RGS22: variants seen among roughly 807,000 people sequenced by gnomAD.
The protein encoded by RGS22 is regulator of G protein signaling 22.
In RGS22, 148 loss-of-function variants were observed where a neutral mutation model predicts 172.9. The ratio of observed to expected loss-of-function variants is 0.86; its 90% confidence interval spans 0.75 to 0.98. The LOEUF (loss-of-function observed/expected upper bound fraction) is 0.98, where lower values mean the gene tolerates loss of function less well. RGS22 is among the 50% of genes least tolerant of loss of function. The probability of loss-of-function intolerance (pLI) is 0.00; values close to 1 mark genes in which losing one functional copy is unlikely to be tolerated. For missense variants in RGS22, 1,347 were observed against 1,440.8 expected (o/e 0.93, Z 1.05); for synonymous variants, 458 against 480.2 (o/e 0.95, Z 0.60).
intron 13 of RGS22, among the ~76,000 whole-genome samples, chr8:100,039,530 C>T (rs1819882131): frequency 6.6e-6 from 1 of 151,984 alleles, no homozygotes; most frequent in Non-Finnish European, 1.5e-5. Flanking sequence ...GCATGCACCA[C>T]CACGCCCAGC....
At chr8:99,976,392 T>C (rs902020168) in intron 23 of RGS22, among the ~76,000 whole-genome samples, 23 of 152,150 alleles carry the variant, frequency 1.5e-4, no homozygotes, top group Middle Eastern at 3.4e-3. Context: ...GACGGAGTCT[T>C]GCTCTGTTGC....
chr8:100,106,028 C>A lies in RGS22; in HGVS notation c.-107G>T. 8 of 1,189,198 alleles carry A rather than the reference C, an allele frequency of 6.7e-6. No homozygotes were observed. Among genetic ancestry groups the A allele is most frequent in the Non-Finnish European group, 8.3e-6 (8 of 961,490 alleles). The allele number at this position is 1,189,198 out of a possible 1,614,324, so 73.7% of individuals were successfully genotyped here. ...GCGACGCGGCGACGGCGCGCGGGCT[C>A]CGGAGCTACGCTGGCTAGCGTGGCC... On this transcript the variant is annotated 5_prime_UTR_variant, in exon 1 of 28. Coordinates refer to ENST00000360863, the MANE Select transcript of RGS22 (RefSeq NM_015668.5).
At chr8:100,096,340 C>A (rs1391439645) in intron 2 of RGS22, among the ~76,000 whole-genome samples, 1 of 152,200 alleles carries the variant, frequency 6.6e-6, no homozygotes, top group African/African-American at 2.4e-5. Context: ...ATAAGCCTGA[C>A]TGCAAAATTT....
chr8:100,036,082 T>C (rs1819431322), intron 14 of RGS22, among the ~76,000 whole-genome samples: 1 of 151,654 alleles, frequency 6.6e-6, no homozygotes, highest in Admixed American at 6.6e-5. Context: ...GTTGTGCACA[T>C]GTACCCTAGA....
chr8:100,005,498 A>G (rs1445546394), intron 16 of RGS22, among the ~76,000 whole-genome samples: 1 of 152,182 alleles, frequency 6.6e-6, no homozygotes, highest in Non-Finnish European at 1.5e-5. Context: ...TTACTTAGCC[A>G]ATCCAAAAGA....
intron 22 of RGS22, among the ~76,000 whole-genome samples, chr8:99,979,261 CTGAG>C (rs1368307299): frequency 2.0e-5 from 3 of 152,208 alleles, no homozygotes; most frequent in Admixed American, 6.5e-5. Context: ...TTTCTAAAAC[CTGAG>C]TCAGTCCCAG....
At position 100,071,453 on chromosome 8, in the gene RGS22, C is replaced by T. The variant is rs753338167; in HGVS notation, c.510G>A (p.Val170=). The change falls in exon 6 of 28, where the codon GTG becomes GTA. Residue 170 remains valine (V), a synonymous_variant. Transcript: ENST00000360863. ...GAGGTGGTAGACTGGGTGGTTTTTT[C>T]ACGATCCAGGGAGAAAAATTTGATC... is the stretch of plus-strand genomic sequence containing the variant. ...TVGSNFSPWI[V]KKPPSLPPPA... is the part of the protein sequence containing the mutation. 1 of 1,613,064 alleles carries T rather than the reference C, an allele frequency of 6.2e-7. No homozygotes were observed. The highest frequency in any genetic ancestry group is 8.5e-7 in the Non-Finnish European group (1 of 1,179,430).
Position 100,055,821 on chromosome 8 carries a change from C to A in RGS22, c.1515-2845G>T, listed in dbSNP as rs143476317. On this transcript the variant is annotated intron_variant, in intron 9 of 27. Coordinates refer to ENST00000360863, the MANE Select transcript of RGS22 (RefSeq NM_015668.5). ...CATGTGGAACTGTGAGTTCATTAAA[C>A]CTCTTTGCTTTATATATTACCCAGT... Among the ~76,000 whole-genome samples, 813 of 152,296 alleles carry A rather than the reference C, an allele frequency of 5.3e-3. 6 individuals are homozygous for A. Among genetic ancestry groups the A allele is most frequent in the African/African-American group, 0.018 (746 of 41,566 alleles).
chr8:100,090,484 A>G (rs962076889), intron 3 of RGS22, among the ~76,000 whole-genome samples: 3 of 152,134 alleles, frequency 2.0e-5, no homozygotes, highest in Non-Finnish European at 4.4e-5. Context: ...ATTGTATACT[A>G]GCAAATTTGG....
At position 100,071,555 on chromosome 8, in the gene RGS22, T is replaced by C. The variant is rs1478524558; in HGVS notation, c.426-18A>G. On this transcript the variant is annotated intron_variant, in intron 5 of 27. Coordinates refer to ENST00000360863, the MANE Select transcript of RGS22 (RefSeq NM_015668.5). ...TGGCTAACCTGCATTTTAGAAATCA[T>C]ACAAATTTAAAACAAGTTTCAAATA... The C allele has an allele frequency of 1.9e-6, 3 of 1,578,408 alleles. No individual in the cohort carries two copies. Among genetic ancestry groups the C allele is most frequent in the East Asian group, 2.3e-5 (1 of 43,954 alleles).
chr8:100,087,284 A>G (rs1812234276), intron 3 of RGS22, among the ~76,000 whole-genome samples: 3 of 152,146 alleles, frequency 2.0e-5, no homozygotes, highest in Admixed American at 1.3e-4. Context: ...CCTCAAACCC[A>G]ATCCTCCACA....
intron 23 of RGS22, among the ~76,000 whole-genome samples, chr8:99,967,958 C>T (rs760635204): frequency 3.0e-4 from 45 of 152,300 alleles, no homozygotes; most frequent in Non-Finnish European, 5.0e-4. Context: ...CAGCAGGGGT[C>T]GACAGACACT....
At position 100,072,141 on chromosome 8, in the gene RGS22, G is replaced by A. The variant is rs764447033; in HGVS notation, c.425+4C>T. The A allele has an allele frequency of 6.5e-7, 1 of 1,546,472 alleles. No individual in the cohort carries two copies. The highest frequency in any genetic ancestry group is 1.8e-5 in the Admixed American group (1 of 56,104). ...AAATACATATATTGATGGGACTATA[G>A]TACCTGTATTCAAAGTAACAATCAC... On this transcript the variant is annotated splice_donor_region_variant and intron_variant, in intron 5 of 27. Transcript: ENST00000360863.
intron 9 of RGS22, among the ~76,000 whole-genome samples, chr8:100,057,392 T>G (rs115847248): frequency 6.6e-6 from 1 of 152,106 alleles, no homozygotes; most frequent in Non-Finnish European, 1.5e-5. Flanking sequence ...TGTTTTGAAA[T>G]GTGAAAGGAA....
intron 9 of RGS22, among the ~76,000 whole-genome samples, chr8:100,060,413 TATATATATAC>T (rs1263068819): frequency 1.5e-5 from 2 of 133,368 alleles, no homozygotes. Context: ...TATATATATA[TATATATATAC>T]ACACACACAC....
chr8:100,054,837 A>G (rs1822076584), intron 9 of RGS22, among the ~76,000 whole-genome samples: 1 of 152,164 alleles, frequency 6.6e-6, no homozygotes, highest in Admixed American at 6.5e-5. Context: ...ATAGACTTTT[A>G]TCAAATAAAT....
At chr8:99,993,232 C>T (rs1266928024) in intron 20 of RGS22, among the ~76,000 whole-genome samples, 6 of 152,038 alleles carry the variant, frequency 3.9e-5, no homozygotes, top group Non-Finnish European at 7.4e-5. Flanking sequence ...CAAACAAATT[C>T]AAAAGCTAGC....
At chr8:100,074,730 C>T (rs1280881732) in intron 4 of RGS22, among the ~76,000 whole-genome samples, 1 of 151,872 alleles carries the variant, frequency 6.6e-6, no homozygotes, top group African/African-American at 2.4e-5. Flanking sequence ...TAGACGTTTA[C>T]ATGCAGGGTT....
Position 100,008,505 on chromosome 8 carries a change from T to G in RGS22, c.2231A>C (p.Lys744Thr). 1 of 1,613,456 alleles carries G rather than the reference T, an allele frequency of 6.2e-7. No homozygotes were observed. Among genetic ancestry groups the G allele is most frequent in the Non-Finnish European group, 8.5e-7 (1 of 1,179,834 alleles). Reference protein sequence around the residue: ...TLDIGLQQEKKKEIYMKIQPP... With the variant: ...TLDIGLQQEKTKEIYMKIQPP... ...CTGTATTTTCATATAAATTTCTTTT[T>G]TCTTTTCCTGTTGGAGTCCAATGTC... Residue 744 changes from lysine to threonine, a missense_variant, in exon 15 of 28, where the codon AAA (lysine) becomes ACA (threonine). Lys to Thr is a moderately conservative substitution (Grantham distance 78, BLOSUM62 -1). Transcript: ENST00000360863.
Sources: allele counts gnomAD v4.1 joint callset (sites outside exome capture counted in the v4.1 genomes callset), GRCh38; gene constraint gnomAD v4.1.1; transcripts MANE v1.5; gene names NCBI Gene and HGNC (gene_info 2026-07-23, HGNC 2026-07-21).